Variants in CUX2 observed in about 807,000 individuals in gnomAD.
CUX2 encodes homeobox protein cut-like 2.
In CUX2, 40 loss-of-function variants were observed where a neutral mutation model predicts 144.8. The ratio of observed to expected loss-of-function variants is 0.28; its 90% CI spans 0.21 to 0.36. The LOEUF (loss-of-function observed/expected upper bound fraction) is 0.36. Ranked by LOEUF, CUX2 falls within the 10% of genes least tolerant of loss-of-function variation. The pLI, the probability that CUX2 is intolerant of heterozygous loss-of-function variation, is 1.00. For missense variants in CUX2, 1,615 were observed against 1,994.0 expected, an observed-to-expected ratio of 0.81 and a Z score of 3.62; for synonymous variants, 827 against 875.6, an observed-to-expected ratio of 0.94 and a Z score of 0.98.
intron 1 of CUX2, among the ~76,000 whole-genome samples, chr12:111,040,714 A>G (rs1263782475): frequency 6.6e-6 from 1 of 152,144 alleles, no homozygotes; most frequent in Admixed American, 6.5e-5. Context: ...TACACATGCT[A>G]GGTTTACCAT....
At chr12:111,237,424 C>T (rs1882811491) in intron 3 of CUX2, among the ~76,000 whole-genome samples, 1 of 152,164 alleles carries the variant, frequency 6.6e-6, no homozygotes, top group African/African-American at 2.4e-5. Context: ...CCCCTAGGTC[C>T]CTGTCCTCAC....
chr12:111,338,475 G>T lies in CUX2; in HGVS notation c.3385+1G>T. The T allele has an allele frequency of 6.2e-7, 1 of 1,610,530 alleles. No individual in the cohort carries two copies. Among genetic ancestry groups the T allele is most frequent in the South Asian group, 1.1e-5 (1 of 90,620 alleles). On this transcript the variant is annotated splice_donor_variant, in intron 20 of 21. Coordinates refer to ENST00000261726, the MANE Select transcript of CUX2 (RefSeq NM_015267.4). LOFTEE classifies it high-confidence loss of function. ...GATATGAAGAAGCTGGAGAAGAAAG[G>T]TAAGACTTGGGCAGAGGATGGGCCC... is the stretch of plus-strand genomic sequence containing the variant.
At chr12:111,086,609 A>C (rs1229278331) in intron 1 of CUX2, among the ~76,000 whole-genome samples, 2 of 152,174 alleles carry the variant, frequency 1.3e-5, no homozygotes. Flanking sequence ...TAGGACATCA[A>C]ATTGACTCTG....
intron 1 of CUX2, among the ~76,000 whole-genome samples, chr12:111,043,899 A>G (rs1022364209): frequency 6.6e-6 from 1 of 152,186 alleles, no homozygotes; most frequent in Non-Finnish European, 1.5e-5. Flanking sequence ...CATCTTGCCC[A>G]TCTTCGACTT....
chr12:111,231,717 T>G (rs1201186700), intron 3 of CUX2, among the ~76,000 whole-genome samples: 1 of 152,216 alleles, frequency 6.6e-6, no homozygotes, highest in Non-Finnish European at 1.5e-5. Context: ...AGTACAACAA[T>G]TAAAAATAAT....
chr12:111,338,261 G>C (rs1357362623), intron 19 of CUX2, 25 bp from the exon 20 acceptor site: 15 of 1,579,352 alleles, frequency 9.5e-6, no homozygotes, highest in Non-Finnish European at 1.3e-5. Flanking sequence ...TCGGGTAACA[G>C]ATTGCTCCCC....
chr12:111,282,202 G>GCC (rs1312762693), intron 4 of CUX2, among the ~76,000 whole-genome samples: 1 of 151,690 alleles, frequency 6.6e-6, no homozygotes, highest in Non-Finnish European at 1.5e-5. Context: ...GGCGCCTGTA[G>GCC]CCCCAGCTAC....
chr12:111,337,011 C>CA (rs936362112), intron 19 of CUX2, among the ~76,000 whole-genome samples: 5 of 151,586 alleles, frequency 3.3e-5, no homozygotes, highest in East Asian at 2.0e-4. Context: ...CCCGTCTCTA[C>CA]AAAAAATAGA....
intron 10 of CUX2, among the ~76,000 whole-genome samples, chr12:111,305,243 G>T (rs3809277): frequency 0.1 from 15,807 of 152,170 alleles, 2,005 homozygotes; most frequent in East Asian, 0.7. Context: ...ACATACCAAG[G>T]GGTGAGATTC....
intron 1 of CUX2, among the ~76,000 whole-genome samples, chr12:111,079,831 G>A (rs917552034): frequency 2.6e-5 from 4 of 152,150 alleles, no homozygotes; most frequent in African/African-American, 9.7e-5. Flanking sequence ...GGGACTGGGT[G>A]GGAGGACGCC....
chr12:111,334,733 A>G (rs1888270357), intron 19 of CUX2, 23 bp downstream of exon 19: 1 of 1,566,950 alleles, frequency 6.4e-7, no homozygotes, highest in Non-Finnish European at 8.7e-7. Context: ...TGGGAATCGG[A>G]GAGGCTGCCT....
At chr12:111,260,187 G>A (rs529618967) in intron 3 of CUX2, among the ~76,000 whole-genome samples, 16 of 150,552 alleles carry the variant, frequency 1.1e-4, no homozygotes, top group South Asian at 6.3e-4. Context: ...AATTATTGCC[G>A]GGCGCGGTGG....
chr12:111,313,445 GC>G (rs1432097328), intron 16 of CUX2, among the ~76,000 whole-genome samples: 1 of 150,200 alleles, frequency 6.7e-6, no homozygotes, highest in African/African-American at 2.4e-5. Flanking sequence ...TTAGAGACAA[GC>G]CTGCCCAACA....
Position 111,347,971 on chromosome 12 carries a change from C to T in CUX2, c.4107C>T (p.Ala1369=), listed in dbSNP as rs138469924. 514 of 1,614,094 alleles carry T rather than the reference C, an allele frequency of 3.2e-4. 2 individuals carry two copies. The highest frequency in any genetic ancestry group is 4.2e-4 in the Non-Finnish European group (490 of 1,180,024). ...PSLHPQQESE[A]GERLHPDPLS... is the part of the protein sequence containing the mutation. ...TTCATCCCCAACAGGAGAGTGAGGC[C>T]GGGGAGCGACTTCACCCGGACCCTT... The change falls in exon 22 of 22, where the codon GCC becomes GCT. Residue 1369 remains alanine, a synonymous_variant. Coordinates refer to ENST00000261726, the MANE Select transcript of CUX2 (RefSeq NM_015267.4).
chr12:111,328,580 T>TTGTGTGTGTGTGTGTGTG (rs568983449), intron 18 of CUX2, among the ~76,000 whole-genome samples: 17 of 135,852 alleles, frequency 1.3e-4, no homozygotes, highest in African/African-American at 3.4e-4. Context: ...CCAATTTCTT[T>TTGTGTGTGTGTGTGTGTG]TGTGTGTGTG....
rs758175938 is a variant in CUX2, at chr12:111,298,504, G to A, written c.705-37G>A. On this transcript the variant is annotated intron_variant, in intron 8 of 21. Transcript: ENST00000261726. ...GAGGGGCGGGGGCCTGGAGCCCGCC[G>A]GAAGCCCTTCCTCAGGGCCTCATCT... 35 of 1,552,682 alleles carry A rather than the reference G, an allele frequency of 2.3e-5. No homozygotes were observed. The Admixed American group carries it at 2.5e-4, about 11-fold the overall frequency.
At chr12:111,085,517 A>G (rs1252807618) in intron 1 of CUX2, among the ~76,000 whole-genome samples, 3 of 152,284 alleles carry the variant, frequency 2.0e-5, no homozygotes, top group African/African-American at 7.2e-5. Flanking sequence ...ATGGAAGGAG[A>G]TAAGGCCAAA....
At position 111,068,687 on chromosome 12, in the gene CUX2, C is replaced by G. The variant is rs1393606683; in HGVS notation, c.63+34447C>G. Among the ~76,000 whole-genome samples, 1 of 152,214 alleles carries G rather than the reference C, an allele frequency of 6.6e-6. No individual in the cohort carries two copies. The highest frequency in any genetic ancestry group is 1.5e-5 in the Non-Finnish European group (1 of 68,038). ...TGCCTTGCGTGGTTCAACTCCGCCC[C>G]CTTCTTCCCTGATTCGTGTGCCCAT... On this transcript the variant is annotated intron_variant, in intron 1 of 21. Coordinates refer to ENST00000261726, the MANE Select transcript of CUX2 (RefSeq NM_015267.4). The surrounding 1 kb of genome is among the most constrained non-coding windows in gnomAD (Gnocchi z 4.9).
At chr12:111,091,993 T>A (rs1872584615) in intron 1 of CUX2, among the ~76,000 whole-genome samples, 1 of 152,260 alleles carries the variant, frequency 6.6e-6, no homozygotes, top group African/African-American at 2.4e-5. Context: ...GTGCTGGGAC[T>A]GCAGGCATGA....
Sources: allele counts gnomAD v4.1 joint callset (sites outside exome capture counted in the v4.1 genomes callset), GRCh38; gene constraint gnomAD v4.1.1; non-coding constraint Gnocchi (gnomAD v3.1); transcripts MANE v1.5; gene names NCBI Gene and HGNC (gene_info 2026-07-23, HGNC 2026-07-21).